Variants in ITPKB observed in about 807,000 individuals in gnomAD.
ITPKB encodes inositol-trisphosphate 3-kinase B.
In ITPKB, 13 loss-of-function variants were observed where a neutral mutation model predicts 69.4. The ratio of observed to expected loss-of-function variants is 0.19; its 90% CI spans 0.12 to 0.30. The LOEUF (loss-of-function observed/expected upper bound fraction) is 0.30. Among genes scored for constraint, ITPKB ranks in the 10% least tolerant of loss-of-function variants. The pLI, the probability that ITPKB is intolerant of heterozygous loss-of-function variation, is 1.00. For missense variants in ITPKB, 1,240 were observed against 1,250.5 expected (o/e 0.99, Z 0.13); for synonymous variants, 584 against 513.7 (o/e 1.14, Z -1.85).
intron 2 of ITPKB, among the ~76,000 whole-genome samples, chr1:226,697,042 C>A (rs1172278802): frequency 6.6e-6 from 1 of 152,188 alleles, no homozygotes; most frequent in Non-Finnish European, 1.5e-5. Context: ...ATATCAACAA[C>A]CACCAAACAA....
At chr1:226,711,471 TG>T (rs1656958793) in intron 2 of ITPKB, among the ~76,000 whole-genome samples, 2 of 149,894 alleles carry the variant, frequency 1.3e-5, no homozygotes, top group South Asian at 4.2e-4. Flanking sequence ...GTGTGTGTTG[TG>T]TATGTTGCAC....
intron 7 of ITPKB, among the ~76,000 whole-genome samples, chr1:226,636,282 G>A (rs1272722232): frequency 1.3e-5 from 2 of 152,180 alleles, no homozygotes; most frequent in East Asian, 3.9e-4. Context: ...GTGGAAAGGA[G>A]AGGCCACAGG....
At chr1:226,658,457 A>C (rs368389114) in intron 2 of ITPKB, among the ~76,000 whole-genome samples, 3 of 152,228 alleles carry the variant, frequency 2.0e-5, no homozygotes, top group South Asian at 2.1e-4. Context: ...AAGGGCTTTC[A>C]AAACCAAGAC....
chr1:226,644,184 C>T (rs923740262), intron 4 of ITPKB, among the ~76,000 whole-genome samples: 1 of 152,210 alleles, frequency 6.6e-6, no homozygotes, highest in East Asian at 1.9e-4. Flanking sequence ...CACTCACTGC[C>T]CAGGAGAGGA....
chr1:226,664,166 C>G (rs1353969365), intron 2 of ITPKB, among the ~76,000 whole-genome samples: 1 of 152,178 alleles, frequency 6.6e-6, no homozygotes, highest in Non-Finnish European at 1.5e-5. Flanking sequence ...GGAAATGAAA[C>G]ATTATTGAGG....
chr1:226,692,636 T>C (rs1656384638), intron 2 of ITPKB, among the ~76,000 whole-genome samples: 1 of 152,156 alleles, frequency 6.6e-6, no homozygotes, highest in Non-Finnish European at 1.5e-5. Flanking sequence ...GTCTGTGTAA[T>C]AAGTGTGCTG....
chr1:226,634,983 C>T lies in ITPKB; in HGVS notation c.2626-97G>A. The T allele has an allele frequency of 1.1e-6, 1 of 872,624 alleles. No homozygotes were observed. The highest frequency in any genetic ancestry group is 1.8e-6 in the Non-Finnish European group (1 of 564,106). The allele number at this position is 872,624 out of a possible 1,614,324, so 54.1% of individuals were successfully genotyped here. ...GGGTGACCAGGTGGGGAGGCTCGCT[C>T]AGGCCGGACAGTTGGGTGCCTGCAA... On this transcript the variant is annotated intron_variant, in intron 7 of 7. Coordinates refer to ENST00000429204, the MANE Select transcript of ITPKB (RefSeq NM_002221.4). The surrounding 1 kb of genome is among the most constrained non-coding windows in gnomAD (Gnocchi z 6.3).
chr1:226,660,566 T>G (rs905344895), intron 2 of ITPKB, among the ~76,000 whole-genome samples: 3 of 152,062 alleles, frequency 2.0e-5, no homozygotes, highest in Non-Finnish European at 2.9e-5. Flanking sequence ...TCTTAAGAAC[T>G]AAAAATAATG....
Position 226,735,811 on chromosome 1 carries a change from G to C in ITPKB, c.1648C>G (p.Gln550Glu), listed in dbSNP as rs764323520. 1.9e-6 allele frequency: 3 copies of C among 1,608,200 alleles called. No homozygotes were observed. The highest frequency in any genetic ancestry group is 2.7e-5 in the African/African-American group (2 of 74,890). Residue 550 changes from glutamine to glutamate, a missense_variant, in exon 2 of 8, where the codon CAA (glutamine) becomes GAA (glutamate). By Grantham distance (29) the Gln-to-Glu change is conservative. Around this residue, in one of 2 missense-constraint regions of ITPKB, gnomAD observed 992 missense variants for 853.8 expected, o/e 1.16. Coordinates refer to ENST00000429204, the MANE Select transcript of ITPKB (RefSeq NM_002221.4). ...CTCAGGAAAGGCTTGTCCGGATCTT[G>C]GGGTAGCAGCTCCGGACTTGGGAGG... ...DALPSPELLP[Q>E]DPDKPFLRKA... is the part of the protein sequence containing the mutation.
intron 2 of ITPKB, among the ~76,000 whole-genome samples, chr1:226,677,082 T>A (rs1669747876): frequency 6.6e-6 from 1 of 152,180 alleles, no homozygotes; most frequent in Non-Finnish European, 1.5e-5. Flanking sequence ...CCTGGAGCAA[T>A]TTGAAACGCC....
At position 226,689,512 on chromosome 1, in the gene ITPKB, G is replaced by C. The variant is rs182999614; in HGVS notation, c.1933-40741C>G. Among the ~76,000 whole-genome samples, 294 of 152,160 alleles carry C rather than the reference G, an allele frequency of 1.9e-3. 2 individuals carry two copies. Among genetic ancestry groups the C allele is most frequent in the African/African-American group, 6.7e-3 (278 of 41,508 alleles). The stretch of plus-strand genomic sequence containing the variant: ...CCCTGGCAAGATGCTCACTATCCGG[G>C]TGGAGAAAGGAGGAGAAGGTTTTTG... On this transcript the variant is annotated intron_variant, in intron 2 of 7. Coordinates refer to ENST00000429204, the MANE Select transcript of ITPKB (RefSeq NM_002221.4).
chr1:226,693,372 T>C (rs1026169725), intron 2 of ITPKB, among the ~76,000 whole-genome samples: 3 of 152,170 alleles, frequency 2.0e-5, no homozygotes, highest in Non-Finnish European at 2.9e-5. Context: ...CACACAGATA[T>C]TAGGAAAACC....
At chr1:226,697,006 T>C (rs1049677794) in intron 2 of ITPKB, among the ~76,000 whole-genome samples, 58 of 152,322 alleles carry the variant, frequency 3.8e-4, no homozygotes, top group African/African-American at 1.3e-3. Context: ...CGAAGTTCAT[T>C]CATCCAGGCC....
rs200899003 is a variant in ITPKB at position 226,737,089 on chromosome 1, G to A, written c.370C>T (p.Pro124Ser). 25 of 1,608,774 alleles carry A rather than the reference G, an allele frequency of 1.6e-5. No homozygotes were observed. The highest frequency in any genetic ancestry group is 1.9e-5 in the Non-Finnish European group (22 of 1,179,884). Reference protein sequence around the residue: ...VAAGTLSPPGPEEAKRKLRIL... With the variant: ...VAAGTLSPPGSEEAKRKLRIL... ...CGCAGCTTCCTCTTGGCCTCCTCCG[G>A]CCCTGGCGGGGAGAGGGTACCGGCT... The change falls in exon 2 of 8, where the codon CCG becomes TCG. Residue 124 changes from proline to serine, a missense_variant. Physicochemically the swap from Pro to Ser is moderately conservative, Grantham distance 74. Transcript: ENST00000429204.
Position 226,657,947 on chromosome 1 carries a change from C to G in ITPKB, c.1933-9176G>C, listed in dbSNP as rs550232756. Reference sequence around the variant, plus strand: ...GGGGAGGCCTGAACAAAGGCCTACTCTCCCCTCCCTCCAAGTCTGTTCCCA... The same window carrying G: ...GGGGAGGCCTGAACAAAGGCCTACTGTCCCCTCCCTCCAAGTCTGTTCCCA... On this transcript the variant is annotated intron_variant, in intron 2 of 7. Coordinates refer to ENST00000429204, the MANE Select transcript of ITPKB (RefSeq NM_002221.4). Among the ~76,000 whole-genome samples, 13 of 152,330 alleles carry G rather than the reference C, an allele frequency of 8.5e-5. No individual in the cohort carries two copies. In the East Asian group the frequency reaches 2.5e-3, roughly 29 times the overall value.
intron 2 of ITPKB, among the ~76,000 whole-genome samples, chr1:226,696,485 A>G (rs1292507827): frequency 6.6e-6 from 1 of 152,194 alleles, no homozygotes; most frequent in Admixed American, 6.5e-5. Context: ...CGACAAGGCC[A>G]AAACTTAGAG....
Position 226,680,996 on chromosome 1 carries a change from T to C in ITPKB, c.1933-32225A>G, listed in dbSNP as rs1571856025. Among the ~76,000 whole-genome samples the C allele has an allele frequency of 2.6e-5, 4 of 152,302 alleles. No individual in the cohort carries two copies. The East Asian group carries it at 5.8e-4, about 22-fold the overall frequency. On this transcript the variant is annotated intron_variant, in intron 2 of 7. Transcript: ENST00000429204. ...GTGGTCAGCCTCTGAGGTCCAGTCATTGCCCTGACAAGACTTTGAGATGCA... is the reference window on the plus strand; with the variant it reads ...GTGGTCAGCCTCTGAGGTCCAGTCACTGCCCTGACAAGACTTTGAGATGCA...
chr1:226,636,309 G>T (rs1668835948), intron 7 of ITPKB, among the ~76,000 whole-genome samples: 1 of 152,206 alleles, frequency 6.6e-6, no homozygotes, highest in Non-Finnish European at 1.5e-5. Flanking sequence ...TGAGGGTCTG[G>T]GGGACAAGGA....
intron 4 of ITPKB, among the ~76,000 whole-genome samples, chr1:226,643,779 T>C (rs1669009411): frequency 1.3e-5 from 2 of 152,210 alleles, no homozygotes; most frequent in Non-Finnish European, 2.9e-5. Flanking sequence ...GGTTGGGCCC[T>C]TGCATGCACA....
Sources: gnomAD v4.1 joint callset for allele counts (sites outside exome capture counted in the v4.1 genomes callset) on GRCh38, gnomAD v4.1.1 for gene constraint, gnomAD v4.1.1 regional missense constraint, Gnocchi (gnomAD v3.1) non-coding constraint, MANE v1.5 for transcripts, NCBI Gene and HGNC (gene_info 2026-07-23, HGNC 2026-07-21) for gene names.